TSPAN7: variants seen among roughly 807,000 people sequenced by gnomAD.
TSPAN7 encodes tetraspanin 7, also known as tetraspanin-7.
A neutral mutation model predicts 17.6 loss-of-function variants in TSPAN7; 1 was observed. The observed-to-expected ratio is 0.06, with a 90% CI of 0.02 to 0.27. TSPAN7 has a LOEUF of 0.27. Ranked by LOEUF, TSPAN7 falls within the 10% of genes least tolerant of loss-of-function variation. TSPAN7 has a pLI of 1.00. For missense variants in TSPAN7, 112 were observed against 201.7 expected, an observed-to-expected ratio of 0.56 and a Z score of 2.69; for synonymous variants, 78 against 79.0, an observed-to-expected ratio of 0.99 and a Z score of 0.07.
intron 1 of TSPAN7, among the ~76,000 whole-genome samples, chrX:38,646,678 T>C (rs1053171551): frequency 8.9e-6 from 1 of 112,515 alleles, no homozygotes; most frequent in African/African-American, 3.2e-5. Flanking sequence ...TGTAATTATA[T>C]GCATTCATGT....
chrX:38,608,571 G>A (rs1383561507), intron 1 of TSPAN7, among the ~76,000 whole-genome samples: 1 of 110,908 alleles, frequency 9.0e-6, no homozygotes, highest in East Asian at 2.8e-4. Flanking sequence ...TTGAAAAGTG[G>A]TCTGTTCCCC....
chrX:38,638,217 AT>A (rs2069592361), intron 1 of TSPAN7, among the ~76,000 whole-genome samples: 1 of 112,140 alleles, frequency 8.9e-6, no homozygotes, highest in Non-Finnish European at 1.9e-5. Flanking sequence ...TCTTCTGCCC[AT>A]TTTTAAAAAA....
Sources: allele counts gnomAD v4.1 joint callset (sites outside exome capture counted in the v4.1 genomes callset), GRCh38; gene constraint gnomAD v4.1.1; transcripts MANE v1.5; gene names NCBI Gene and HGNC (gene_info 2026-07-23, HGNC 2026-07-21).